RGS3: variants seen among roughly 807,000 people sequenced by gnomAD.
RGS3 encodes the protein regulator of G-protein signalling 3.
A neutral mutation model predicts 132.6 loss-of-function variants in RGS3; 80 were observed. The observed-to-expected ratio is 0.60, with a 90% confidence interval of 0.50 to 0.73. RGS3 has a LOEUF of 0.73. Ranked by LOEUF, RGS3 falls within the 30% of genes least tolerant of loss-of-function variation. RGS3 has a pLI of 0.00. For missense variants in RGS3, 1,382 were observed against 1,530.8 expected (o/e 0.90, Z 1.62); for synonymous variants, 598 against 620.6 (o/e 0.96, Z 0.54).
intron 7 of RGS3, among the ~76,000 whole-genome samples, chr9:113,487,268 C>T (rs1391986709): frequency 3.3e-5 from 5 of 151,218 alleles, no homozygotes; most frequent in African/African-American, 4.9e-5. Context: ...CCCGCCACCG[C>T]GCCCGGCTAA....
At chr9:113,594,568 A>G (rs1216972797) in intron 22 of RGS3, 37 bp downstream of exon 20, 3 of 1,539,600 alleles carry the variant, frequency 1.9e-6, no homozygotes, top group African/African-American at 1.4e-5. Flanking sequence ...CCTTTGGGGA[A>G]CTCACTGGCT....
chr9:113,536,877 G>A (rs1182611600), exon 19 of RGS3: 6 of 1,614,130 alleles, frequency 3.7e-6, no homozygotes, highest in South Asian at 1.1e-5. Context: ...GGAGAACATC[G>A]CCAAGCAGCA....
At chr9:113,572,121 A>G (rs1834317245) in intron 19 of RGS3, among the ~76,000 whole-genome samples, 1 of 152,132 alleles carries the variant, frequency 6.6e-6, no homozygotes, top group South Asian at 2.1e-4. Context: ...GGTAGAGTGT[A>G]GCAGACTGGC....
chr9:113,447,319 G>GTATGTA lies in RGS3; in HGVS notation c.-13+2402_-13+2407dup, dbSNP rs1192619578. On this transcript the variant is annotated intron_variant, in intron 1 of 25. Transcript: ENST00000374140. ...AGGGTGTAAACCAATAAATTCTGAT[G>GTATGTA]TATGTATATGTATATATATATATAT... is the stretch of plus-strand genomic sequence containing the variant. Among the ~76,000 whole-genome samples, 40 of 21,864 alleles carry GTATGTA rather than the reference G, an allele frequency of 1.8e-3. 5 individuals carry two copies. The highest frequency in any genetic ancestry group is 2.9e-3 in the African/African-American group (36 of 12,254). 14.3% of individuals were successfully genotyped at this position (21,864 alleles called of 152,430 possible).
At chr9:113,466,863 C>G (rs1829660261) in intron 3 of RGS3, among the ~76,000 whole-genome samples, 2 of 152,210 alleles carry the variant, frequency 1.3e-5, no homozygotes, top group Admixed American at 6.5e-5. Context: ...AGACATTATG[C>G]TCTTTAGCTT....
At chr9:113,536,993 A>G in intron 19 of RGS3, 75 bp downstream of exon 17, 1 of 1,463,134 alleles carries the variant, frequency 6.8e-7, no homozygotes, top group Non-Finnish European at 9.4e-7. Context: ...GAGCCTCTGC[A>G]TTGAGCTGGG....
At position 113,522,862 on chromosome 9, in the gene RGS3, G is replaced by A; in HGVS notation, c.1759-68G>A. The A allele has an allele frequency of 1.4e-5, 14 of 975,534 alleles. No homozygotes were observed. The South Asian group carries it at 1.7e-4, about 12-fold the overall frequency. The allele number at this position is 975,534 out of a possible 1,614,324, so 60.4% of individuals were successfully genotyped here. A position where few individuals can be genotyped will look rare whatever the true frequency, so the allele number is the denominator to read the frequency against. ...GGCTGTGGCTCCCCACCTTCTCGGG[G>A]AGGTTGTGGCTCTCAGCCTCCAGAG... On this transcript the variant is annotated intron_variant, in intron 16 of 24. Transcript: ENST00000350696.
intron 16 of RGS3, among the ~76,000 whole-genome samples, chr9:113,519,022 G>C (rs1831809591): frequency 6.6e-6 from 1 of 152,060 alleles, no homozygotes; most frequent in African/African-American, 2.4e-5. Context: ...ACTTACCCTT[G>C]AATCTGCAAA....
intron 1 of RGS3, among the ~76,000 whole-genome samples, chr9:113,447,819 T>C (rs543127692): frequency 2.0e-5 from 3 of 151,850 alleles, no homozygotes; most frequent in Non-Finnish European, 4.4e-5. Context: ...TCTGTCTTCT[T>C]GCATCTGGAT....
exon 20 of RGS3, chr9:113,583,877 T>C: frequency 6.2e-7 from 1 of 1,613,836 alleles, no homozygotes; most frequent in Non-Finnish European, 8.5e-7. Flanking sequence ...CCTAGCCAGG[T>C]CTCCCTGCCA....
intron 4 of RGS3, among the ~76,000 whole-genome samples, chr9:113,481,175 C>T (rs962638992): frequency 1.3e-5 from 2 of 152,208 alleles, no homozygotes; most frequent in East Asian, 3.8e-4. Flanking sequence ...CTTATTATTT[C>T]CCCCTCCAGG....
intron 19 of RGS3, among the ~76,000 whole-genome samples, chr9:113,540,861 T>C (rs971784142): frequency 6.6e-6 from 1 of 152,214 alleles, no homozygotes; most frequent in African/African-American, 2.4e-5. Context: ...GTAAAGTGGA[T>C]GGATTAAGAG....
chr9:113,497,969 G>T, intron 9 of RGS3, 56 bp from the exon 8 acceptor site: 1 of 1,581,676 alleles, frequency 6.3e-7, no homozygotes, highest in African/African-American at 1.3e-5. Flanking sequence ...GTGGTCCGAG[G>T]AGGGGAGACT....
At chr9:113,558,007 G>C (rs1833639245) in intron 19 of RGS3, among the ~76,000 whole-genome samples, 1 of 152,216 alleles carries the variant, frequency 6.6e-6, no homozygotes, top group African/African-American at 2.4e-5. Context: ...ATAGAGAATG[G>C]TGAGGAGGAA....
intron 15 of RGS3, among the ~76,000 whole-genome samples, chr9:113,516,404 C>T (rs1831665997): frequency 6.6e-6 from 1 of 151,600 alleles, no homozygotes; most frequent in African/African-American, 2.4e-5. Context: ...TTTGCCCAGG[C>T]CGGAGTGCAA....
chr9:113,595,379 G>A (rs970221822), intron 23 of RGS3: 4 of 576,750 alleles, frequency 6.9e-6, no homozygotes, highest in African/African-American at 1.9e-5. Context: ...TTTCACAGAT[G>A]AAGACACTGA....
chr9:113,500,429 G>GGT (rs948221371), intron 10 of RGS3, among the ~76,000 whole-genome samples: 14 of 152,198 alleles, frequency 9.2e-5, no homozygotes, highest in African/African-American at 3.4e-4. Flanking sequence ...AAAGCAGCTG[G>GGT]GCTCACCATG....
chr9:113,487,731 C>G (rs1830385213), intron 7 of RGS3, among the ~76,000 whole-genome samples: 1 of 152,128 alleles, frequency 6.6e-6, no homozygotes, highest in Non-Finnish European at 1.5e-5. Context: ...TAGGGACTGG[C>G]TAAAGATTAG....
intron 20 of RGS3, among the ~76,000 whole-genome samples, chr9:113,589,557 G>C (rs1835303789): frequency 6.6e-6 from 1 of 152,208 alleles, no homozygotes; most frequent in African/African-American, 2.4e-5. Context: ...GTGGTCCCCA[G>C]GCCCATTGTG....
Sources: allele counts gnomAD v4.1 joint callset (sites outside exome capture counted in the v4.1 genomes callset), GRCh38; gene constraint gnomAD v4.1.1; transcripts MANE v1.5; gene names NCBI Gene and HGNC (gene_info 2026-07-23, HGNC 2026-07-21).